PABPC4L: variants seen among roughly 807,000 people sequenced by gnomAD.
The protein encoded by PABPC4L is poly(A) binding protein cytoplasmic 4 like.
For missense variants in PABPC4L, 452 were observed against 451.4 expected (o/e 1.00, Z -0.01); for synonymous variants, 169 against 164.1 (o/e 1.03, Z -0.23).
At chr4:134,098,054 T>C in the PABPC4L span, among the ~76,000 whole-genome samples, 2 of 151,926 alleles carry the variant, frequency 1.3e-5, no homozygotes, top group Admixed American at 6.6e-5. Flanking sequence ...GAAAAAAATA[T>C]AGGTATTCAT....
the PABPC4L span, among the ~76,000 whole-genome samples, chr4:133,970,056 A>T: frequency 7.0e-6 from 1 of 143,336 alleles, no homozygotes; most frequent in African/African-American, 2.5e-5. Context: ...TTTATTTAAA[A>T]TATTTAAAAT....
rs1490399736 is a variant in PABPC4L at position 134,198,064 on chromosome 4, G to A, written c.*1843C>T. On this transcript the variant is annotated 3_prime_UTR_variant, in exon 2 of 2. Coordinates refer to ENST00000421491, the MANE Select transcript of PABPC4L (RefSeq NM_001114734.2). The stretch of plus-strand genomic sequence containing the variant: ...GGAAGAAATTATCTAGCAACAAGAA[G>A]TTTATCAATAAGAAATTAGTTATAT... 6.6e-6 allele frequency: 1 copy of A among 151,682 alleles called. No individual in the cohort carries two copies. The highest frequency in any genetic ancestry group is 1.5e-5 in the Non-Finnish European group (1 of 67,684). The allele number at this position is 151,682 out of a possible 1,614,324, so 9.4% of individuals were successfully genotyped here.
chr4:134,024,923 A>ATTT, the PABPC4L span, among the ~76,000 whole-genome samples: 8 of 128,462 alleles, frequency 6.2e-5, no homozygotes, highest in Non-Finnish European at 9.9e-5. Context: ...TAATTATGTA[A>ATTT]TTTTTTTTTT....
the PABPC4L span, among the ~76,000 whole-genome samples, chr4:134,155,186 T>C: frequency 6.6e-6 from 1 of 152,074 alleles, no homozygotes; most frequent in Non-Finnish European, 1.5e-5. Flanking sequence ...TCCAGTACTT[T>C]AATTTGACGG....
the PABPC4L span, among the ~76,000 whole-genome samples, chr4:134,126,281 C>T: frequency 6.6e-6 from 1 of 152,142 alleles, no homozygotes; most frequent in Non-Finnish European, 1.5e-5. Context: ...CACTGTCAAA[C>T]TACTGGGCTT....
chr4:133,988,541 C>A, the PABPC4L span, among the ~76,000 whole-genome samples: 1 of 152,218 alleles, frequency 6.6e-6, no homozygotes, highest in African/African-American at 2.4e-5. Flanking sequence ...ATCCAGGGCA[C>A]ACTGATGCAA....
the PABPC4L span, among the ~76,000 whole-genome samples, chr4:134,115,660 G>GGCT: frequency 4.6e-4 from 70 of 151,782 alleles, no homozygotes; most frequent in African/African-American, 1.6e-3. Flanking sequence ...AGTACAATTT[G>GGCT]GCTGGAAAAC....
At chr4:134,060,282 A>G in the PABPC4L span, among the ~76,000 whole-genome samples, 2 of 151,826 alleles carry the variant, frequency 1.3e-5, no homozygotes, top group Non-Finnish European at 2.9e-5. Context: ...AAGGACTGAA[A>G]CTTGTAGGCA....
At chr4:134,021,130 A>T in the PABPC4L span, among the ~76,000 whole-genome samples, 1 of 152,294 alleles carries the variant, frequency 6.6e-6, no homozygotes, top group East Asian at 1.9e-4. Flanking sequence ...TTCCCACAAA[A>T]AAAGCAAAAT....
At chr4:134,006,873 C>G in the PABPC4L span, among the ~76,000 whole-genome samples, 1 of 151,148 alleles carries the variant, frequency 6.6e-6, no homozygotes, top group Non-Finnish European at 1.5e-5. Context: ...TGATCTTCTG[C>G]TAACATATGA....
the PABPC4L span, among the ~76,000 whole-genome samples, chr4:134,127,761 G>T: frequency 6.6e-6 from 1 of 152,112 alleles, no homozygotes; most frequent in East Asian, 1.9e-4. Flanking sequence ...ACCCCCAAAA[G>T]ATCACACTAG....
chr4:134,174,804 A>C, the PABPC4L span, among the ~76,000 whole-genome samples: 2 of 152,084 alleles, frequency 1.3e-5, no homozygotes, highest in East Asian at 3.9e-4. Flanking sequence ...AGATGACCAG[A>C]AATTTTTTAT....
At chr4:133,970,936 C>A in the PABPC4L span, among the ~76,000 whole-genome samples, 1 of 152,026 alleles carries the variant, frequency 6.6e-6, no homozygotes, top group Non-Finnish European at 1.5e-5. Context: ...ACATAAATTT[C>A]TGTTGTTTAT....
the PABPC4L span, among the ~76,000 whole-genome samples, chr4:134,089,789 T>C: frequency 3.4e-3 from 523 of 152,176 alleles, 5 homozygotes; most frequent in African/African-American, 0.012. Flanking sequence ...GCGCAGACTG[T>C]ATTATGCCAG....
the PABPC4L span, among the ~76,000 whole-genome samples, chr4:134,030,716 G>A: frequency 6.6e-6 from 1 of 151,746 alleles, no homozygotes; most frequent in Non-Finnish European, 1.5e-5. Flanking sequence ...TATTCTCAGT[G>A]GAGAAAAATA....
At chr4:134,117,380 A>T in the PABPC4L span, among the ~76,000 whole-genome samples, 3 of 151,792 alleles carry the variant, frequency 2.0e-5, no homozygotes, top group Admixed American at 6.6e-5. Flanking sequence ...ATGAGGAGAG[A>T]CCACATGAGA....
chr4:134,125,747 A>T, the PABPC4L span, among the ~76,000 whole-genome samples: 10 of 152,300 alleles, frequency 6.6e-5, no homozygotes, highest in South Asian at 2.1e-3. Context: ...ATTAGTAAAA[A>T]ACAAAGTCTT....
the PABPC4L span, among the ~76,000 whole-genome samples, chr4:134,120,415 A>G: frequency 6.7e-6 from 1 of 149,592 alleles, no homozygotes; most frequent in Non-Finnish European, 1.5e-5. Context: ...TTGCTAATAT[A>G]AATTTTTAAT....
chr4:134,178,696 G>A, the PABPC4L span, among the ~76,000 whole-genome samples: 1 of 151,970 alleles, frequency 6.6e-6, no homozygotes, highest in African/African-American at 2.4e-5. Context: ...TTATAAGAAA[G>A]TACTAAACAG....
Sources: allele counts gnomAD v4.1 joint callset (sites outside exome capture counted in the v4.1 genomes callset), GRCh38; gene constraint gnomAD v4.1.1; transcripts MANE v1.5; gene names NCBI Gene and HGNC (gene_info 2026-07-23, HGNC 2026-07-21).